Variants in GALNT17 observed in about 807,000 individuals in gnomAD.
GALNT17 encodes polypeptide N-acetylgalactosaminyltransferase 17, also known as UDP-GalNAc:polypeptide N-acetylgalactosaminyltransferase-like 3.
Under a neutral mutation model 63.7 loss-of-function variants are expected in GALNT17, and 29 were observed. The observed-to-expected ratio is 0.46, with a 90% confidence interval of 0.34 to 0.62. GALNT17 has a LOEUF of 0.62. Among genes scored for constraint, GALNT17 ranks in the 20% least tolerant of loss-of-function variants. The pLI is 0.01. For missense variants in GALNT17, 603 were observed against 799.6 expected (o/e 0.75, Z 2.97); for synonymous variants, 305 against 318.3 (o/e 0.96, Z 0.45).
In GALNT17 at chr7:71,559,051, C is replaced by T. The variant is rs117801277; in HGVS notation, c.963-12234C>T. Among the ~76,000 whole-genome samples, 1,273 of 152,312 alleles carry T rather than the reference C, an allele frequency of 8.4e-3. 7 individuals are homozygous for T. Among genetic ancestry groups the T allele is most frequent in the South Asian group, 0.014 (66 of 4,822 alleles). ...TCAGCATGAATTATCTTTTCAGCAA[C>T]AAAGGTGAAAGTGCTACTTCCACTT... On this transcript the variant is annotated intron_variant, in intron 5 of 10. Coordinates refer to ENST00000333538, the MANE Select transcript of GALNT17 (RefSeq NM_022479.3).
rs181872983 is a variant in GALNT17 at position 71,268,192 on chromosome 7, A to G, written c.239-67358A>G. On this transcript the variant is annotated intron_variant, in intron 1 of 10. Coordinates refer to ENST00000333538, the MANE Select transcript of GALNT17 (RefSeq NM_022479.3). ...AATGGGTGTTTCTTTTTCCCTCCCA[A>G]CAGGAGGGACTCCTCCCCAGGTCAA... Among the ~76,000 whole-genome samples, 218 of 152,060 alleles carry G rather than the reference A, an allele frequency of 1.4e-3. 2 individuals carry two copies. Among genetic ancestry groups the G allele is most frequent in the Admixed American group, 5.2e-3 (80 of 15,262 alleles).
chr7:71,317,557 A>G (rs538402676), intron 1 of GALNT17, among the ~76,000 whole-genome samples: 43 of 152,000 alleles, frequency 2.8e-4, no homozygotes, highest in African/African-American at 8.9e-4. Context: ...TGTGAGCCCA[A>G]TGGGGCAGGC....
At chr7:71,673,755 C>T (rs1791106007) in intron 8 of GALNT17, among the ~76,000 whole-genome samples, 1 of 152,288 alleles carries the variant, frequency 6.6e-6, no homozygotes, top group African/African-American at 2.4e-5. Flanking sequence ...GCTGGGACTA[C>T]AGGTACATAT....
intron 5 of GALNT17, among the ~76,000 whole-genome samples, chr7:71,534,406 T>C (rs1788769793): frequency 6.6e-6 from 1 of 152,052 alleles, no homozygotes; most frequent in South Asian, 2.1e-4. Flanking sequence ...GAGACCATCC[T>C]GGCCAACAAG....
intron 3 of GALNT17, among the ~76,000 whole-genome samples, chr7:71,392,404 G>A (rs1793066907): frequency 6.6e-6 from 1 of 152,116 alleles, no homozygotes; most frequent in African/African-American, 2.4e-5. Context: ...AGGAAGCTGG[G>A]GTATTTATAC....
intron 1 of GALNT17, among the ~76,000 whole-genome samples, chr7:71,151,581 A>G (rs1285235414): frequency 6.7e-6 from 1 of 150,358 alleles, no homozygotes; most frequent in African/African-American, 2.5e-5. Context: ...AGATCGCGCC[A>G]CTCACTCCAG....
At chr7:71,351,497 C>T (rs1221434255) in intron 2 of GALNT17, among the ~76,000 whole-genome samples, 2 of 151,826 alleles carry the variant, frequency 1.3e-5, no homozygotes, top group African/African-American at 4.8e-5. Context: ...TTAGAGTGCT[C>T]CCTAAATCCC....
chr7:71,516,980 T>C (rs928337405), intron 5 of GALNT17, among the ~76,000 whole-genome samples: 1 of 152,206 alleles, frequency 6.6e-6, no homozygotes, highest in Non-Finnish European at 1.5e-5. Flanking sequence ...AATGTCTTCC[T>C]GGCCAACATT....
At chr7:71,606,090 C>T (rs1205602437) in intron 6 of GALNT17, among the ~76,000 whole-genome samples, 1 of 150,618 alleles carries the variant, frequency 6.6e-6, no homozygotes, top group East Asian at 2.0e-4. Context: ...CTGGTGTGTA[C>T]CACCACACTC....
At chr7:71,184,258 C>G (rs888202119) in intron 1 of GALNT17, among the ~76,000 whole-genome samples, 1 of 152,096 alleles carries the variant, frequency 6.6e-6, no homozygotes, top group Non-Finnish European at 1.5e-5. Flanking sequence ...TTCTGTTGTT[C>G]AAGCCACACA....
At chr7:71,151,166 AGT>A (rs975396043) in intron 1 of GALNT17, among the ~76,000 whole-genome samples, 6 of 152,166 alleles carry the variant, frequency 3.9e-5, no homozygotes, top group Admixed American at 3.9e-4. Context: ...TAACTACCTA[AGT>A]GACAGGCCAG....
At chr7:71,210,078 A>C (rs1789347690) in intron 1 of GALNT17, among the ~76,000 whole-genome samples, 1 of 152,110 alleles carries the variant, frequency 6.6e-6, no homozygotes. Flanking sequence ...ACCTGCCACC[A>C]TGCCTGGCTA....
chr7:71,217,109 G>A lies in GALNT17; in HGVS notation c.238+84069G>A, dbSNP rs181819392. 6.2e-4 allele frequency among the ~76,000 whole-genome samples: 92 copies of A among 148,396 alleles called. 1 individual carries two copies. The highest frequency in any genetic ancestry group is 2.2e-3 in the African/African-American group (89 of 40,210). Reference sequence around the variant, plus strand: ...CTCCTGAGTAGCTGGGACTATGGGCGTATGCCACCATGCACAGCTAATTTT... The same window carrying A: ...CTCCTGAGTAGCTGGGACTATGGGCATATGCCACCATGCACAGCTAATTTT... On this transcript the variant is annotated intron_variant, in intron 1 of 10. Transcript: ENST00000333538.
At chr7:71,246,176 C>T (rs1274778496) in intron 1 of GALNT17, among the ~76,000 whole-genome samples, 2 of 128,806 alleles carry the variant, frequency 1.6e-5, no homozygotes, top group African/African-American at 6.1e-5. Flanking sequence ...GGCTGGAGTG[C>T]AATGGCGCGA....
intron 5 of GALNT17, among the ~76,000 whole-genome samples, chr7:71,507,007 G>A (rs993329546): frequency 5.9e-5 from 9 of 152,222 alleles, no homozygotes; most frequent in African/African-American, 2.2e-4. Flanking sequence ...GGCTGAGGTG[G>A]GACGATCGCT....
At chr7:71,279,440 A>C (rs534264837) in intron 1 of GALNT17, among the ~76,000 whole-genome samples, 1 of 151,104 alleles carries the variant, frequency 6.6e-6, no homozygotes, top group Non-Finnish European at 1.5e-5. Context: ...AAAATTCAAG[A>C]TGAGATTTTG....
intron 1 of GALNT17, among the ~76,000 whole-genome samples, chr7:71,149,728 A>C (rs1442497378): frequency 9.2e-5 from 14 of 152,218 alleles, no homozygotes; most frequent in Admixed American, 7.9e-4. Flanking sequence ...AGCACAACAA[A>C]ACAGGAATGC....
chr7:71,677,360 A>G (rs1791168493), intron 9 of GALNT17, 54 bp downstream of exon 9: 1 of 1,549,062 alleles, frequency 6.5e-7, no homozygotes, highest in Non-Finnish European at 8.8e-7. Context: ...TCCGACCCAC[A>G]GAGGCCTTGC....
chr7:71,503,153 G>T (rs1788207345), intron 5 of GALNT17, among the ~76,000 whole-genome samples: 1 of 152,078 alleles, frequency 6.6e-6, no homozygotes, highest in Non-Finnish European at 1.5e-5. Flanking sequence ...CTCACACCTA[G>T]ACTTCCTTGT....
Sources: gnomAD v4.1 joint callset for allele counts (sites outside exome capture counted in the v4.1 genomes callset) on GRCh38, gnomAD v4.1.1 for gene constraint, MANE v1.5 for transcripts, NCBI Gene and HGNC (gene_info 2026-07-23, HGNC 2026-07-21) for gene names.